Variants in CAPN8 observed in about 807,000 individuals in gnomAD.
CAPN8 encodes the protein calpain-8.
A neutral mutation model predicts 80.9 loss-of-function variants in CAPN8; 87 were observed. The observed-to-expected ratio is 1.07, with a 90% CI of 0.90 to 1.28. The LOEUF (loss-of-function observed/expected upper bound fraction) is 1.28. Ranked by LOEUF, CAPN8 falls within the 50% of genes most tolerant of loss-of-function variation. The probability of loss-of-function intolerance (pLI) is 0.00; values close to 1 mark genes in which losing one functional copy is unlikely to be tolerated. For missense variants in CAPN8, 757 were observed against 702.0 expected (o/e 1.08, Z -0.89); for synonymous variants, 299 against 273.8 (o/e 1.09, Z -0.91).
At chr1:223,654,251 A>G (rs1242457557) in intron 2 of CAPN8, 79 bp downstream of exon 2, 2 of 1,255,500 alleles carry the variant, frequency 1.6e-6, no homozygotes, top group African/African-American at 3.0e-5. Context: ...GAAGTCTCAC[A>G]GCTTCATCTG....
intron 9 of CAPN8, 124 bp from the exon 10 acceptor site, chr1:223,616,269 G>A (rs1026453983): frequency 3.6e-6 from 4 of 1,104,516 alleles, no homozygotes; most frequent in Non-Finnish European, 5.1e-6. Context: ...ACTGTGCCTA[G>A]TAAGCAGGCC....
rs1177388753 is a variant in CAPN8 at position 223,639,102 on chromosome 1, T to G, written c.308-10322A>C. On this transcript the variant is annotated intron_variant, in intron 2 of 20. Transcript: ENST00000366872. ...TAAAAATACAAAAATTAGCTGGACG[T>G]GGTGGCCCACACCTGTAATCTCAGC... Among the ~76,000 whole-genome samples, 3 of 152,244 alleles carry G rather than the reference T, an allele frequency of 2.0e-5. 1 individual carries two copies. The highest frequency in any genetic ancestry group is 1.3e-4 in the Admixed American group (2 of 15,298).
At chr1:223,654,960 A>T (rs1658442753) in intron 1 of CAPN8, among the ~76,000 whole-genome samples, 1 of 149,328 alleles carries the variant, frequency 6.7e-6, no homozygotes, top group African/African-American at 2.5e-5. Context: ...AAGTGCTGGG[A>T]TTACAGGCAT....
chr1:223,646,471 C>T (rs1282353529), intron 2 of CAPN8, among the ~76,000 whole-genome samples: 1 of 152,202 alleles, frequency 6.6e-6, no homozygotes, highest in Non-Finnish European at 1.5e-5. Flanking sequence ...CAGCCTGTAA[C>T]CTCACCCTTC....
At chr1:223,649,996 C>A (rs1053177911) in intron 2 of CAPN8, among the ~76,000 whole-genome samples, 3 of 152,156 alleles carry the variant, frequency 2.0e-5, no homozygotes, top group Admixed American at 2.0e-4. Flanking sequence ...TTGATTATAT[C>A]CCCACTTTAC....
chr1:223,551,047 G>A (rs1187589455), intron 14 of CAPN8, 30 bp from the exon 15 acceptor site: 4 of 716,900 alleles, frequency 5.6e-6, no homozygotes, highest in Non-Finnish European at 1.0e-5. Flanking sequence ...TGCAAATCAT[G>A]TCAGGCCCTG....
rs373877760 is a variant in CAPN8 at position 223,629,197 on chromosome 1, A to AGAGTGTGTGTGTGTGT, written c.308-418_308-417insACACACACACACACTC. 3.1e-5 allele frequency among the ~76,000 whole-genome samples: 3 copies of AGAGTGTGTGTGTGTGT among 95,312 alleles called. No individual in the cohort carries two copies. In the East Asian group the frequency reaches 8.1e-4, roughly 26 times the overall value. The allele number at this position is 95,312 out of a possible 152,430, so 62.5% of individuals were successfully genotyped here. A position where few individuals can be genotyped will look rare whatever the true frequency, so the allele number is the denominator to read the frequency against. On this transcript the variant is annotated intron_variant, in intron 2 of 20. Coordinates refer to ENST00000366872, the MANE Select transcript of CAPN8 (RefSeq NM_001143962.2). ...CCAATCTATGATGTGTACGTGTAAG[A>AGAGTGTGTGTGTGTGT]GTGTGTGTGTGTGTGTGTGTGTGTG... is the stretch of plus-strand genomic sequence containing the variant.
chr1:223,621,497 C>T (rs1388536065), intron 7 of CAPN8, among the ~76,000 whole-genome samples: 2 of 152,128 alleles, frequency 1.3e-5, no homozygotes, highest in Non-Finnish European at 2.9e-5. Context: ...GTAAGAATGG[C>T]CCACATTCAG....
rs150136459 is a variant in CAPN8, at chr1:223,620,238, G to A, written c.928C>T (p.Arg310Trp). The A allele has an allele frequency of 2.1e-5, 33 of 1,551,482 alleles. No individual in the cohort carries two copies. In the African/African-American group the frequency reaches 3.4e-4, roughly 16 times the overall value. The change falls in exon 8 of 21, where the codon CGG becomes TGG. Residue 310 changes from arginine (R) to tryptophan (W), a missense_variant. Transcript: ENST00000366872. ...TTCTTGTCCAGTTCTTCCTTCCGCC[G>A]GGGGTCTATGTGATTCCACTCTGGT... ...DAPEWNHIDP[R>W]RKEELDKKVE...
chr1:223,626,502 CCT>C (rs1657582888), intron 5 of CAPN8, among the ~76,000 whole-genome samples: 2 of 152,234 alleles, frequency 1.3e-5, no homozygotes, highest in African/African-American at 2.4e-5. Context: ...GGGCCTCCAG[CCT>C]CTGTTTCCAC....
At chr1:223,544,555 G>C (rs762036012) in intron 18 of CAPN8, among the ~76,000 whole-genome samples, 1 of 152,190 alleles carries the variant, frequency 6.6e-6, no homozygotes, top group African/African-American at 2.4e-5. Flanking sequence ...AACAGGCAGA[G>C]ATCTTGGAAA....
chr1:223,645,352 C>A (rs1483816493), intron 2 of CAPN8, among the ~76,000 whole-genome samples: 1 of 152,168 alleles, frequency 6.6e-6, no homozygotes, highest in Non-Finnish European at 1.5e-5. Context: ...TCTCCTTTGG[C>A]AACACCCACA....
Position 223,622,808 on chromosome 1 carries a change from A to G in CAPN8, c.899+7T>C. 2 of 1,550,888 alleles carry G rather than the reference A, an allele frequency of 1.3e-6. No homozygotes were observed. The highest frequency in any genetic ancestry group is 1.7e-6 in the Non-Finnish European group (2 of 1,146,280). On this transcript the variant is annotated splice_region_variant and intron_variant, in intron 7 of 20. Transcript: ENST00000366872. ...GATGACTGGAGAAGCGGGGGAAAAAAACCTACTCATCGCTCCAGGCTCCCG... is the reference window on the plus strand; with the variant it reads ...GATGACTGGAGAAGCGGGGGAAAAAGACCTACTCATCGCTCCAGGCTCCCG...
intron 6 of CAPN8, among the ~76,000 whole-genome samples, chr1:223,624,736 A>C (rs540372014): frequency 5.1e-5 from 7 of 136,638 alleles, no homozygotes; most frequent in Admixed American, 1.4e-4. Flanking sequence ...TAAATAAATA[A>C]ATAAATAAAA....
intron 2 of CAPN8, among the ~76,000 whole-genome samples, chr1:223,635,498 C>CT (rs1408810668): frequency 6.6e-6 from 1 of 152,248 alleles, no homozygotes; most frequent in Admixed American, 6.5e-5. Flanking sequence ...TGGAAGCTGC[C>CT]TGGAGGCAGA....
chr1:223,548,161 G>A (rs1656677154), intron 16 of CAPN8, among the ~76,000 whole-genome samples: 1 of 152,142 alleles, frequency 6.6e-6, no homozygotes, highest in South Asian at 2.1e-4. Context: ...AGATCATCAT[G>A]GATGAACAGA....
chr1:223,628,897 G>A, intron 2 of CAPN8, 117 bp from the exon 3 acceptor site: 5 of 745,662 alleles, frequency 6.7e-6, no homozygotes, highest in South Asian at 3.7e-5. Context: ...TTCTGAGTCA[G>A]GTAGAGTTTC....
chr1:223,630,392 A>T (rs1013794239), intron 2 of CAPN8, among the ~76,000 whole-genome samples: 10 of 152,136 alleles, frequency 6.6e-5, no homozygotes, highest in African/African-American at 2.2e-4. Flanking sequence ...GCTGGAGTAC[A>T]GTAGCGCCAT....
chr1:223,664,284 A>G (rs900486106), intron 1 of CAPN8, among the ~76,000 whole-genome samples: 1 of 152,146 alleles, frequency 6.6e-6, no homozygotes, highest in Admixed American at 6.5e-5. Context: ...AATAATGTCA[A>G]TTCATGACCT....
Sources: gnomAD v4.1 joint callset for allele counts (sites outside exome capture counted in the v4.1 genomes callset) on GRCh38, gnomAD v4.1.1 for gene constraint, MANE v1.5 for transcripts, NCBI Gene and HGNC (gene_info 2026-07-23, HGNC 2026-07-21) for gene names.